APTX: variants seen among roughly 807,000 people sequenced by gnomAD.
APTX encodes the protein forkhead-associated domain histidine triad-like protein.
Under a neutral mutation model 42.3 loss-of-function variants are expected in APTX, and 33 were observed. The ratio of observed to expected loss-of-function variants is 0.78; its 90% confidence interval spans 0.59 to 1.04. APTX has a LOEUF of 1.04. APTX is among the 50% of genes least tolerant of loss of function. APTX has a pLI of 0.00. For synonymous variants in APTX, 130 were observed against 146.7 expected, an observed-to-expected ratio of 0.89 and a Z score of 0.82; for missense variants, 421 against 415.1, an observed-to-expected ratio of 1.01 and a Z score of -0.12.
intron 6 of APTX, among the ~76,000 whole-genome samples, chr9:32,974,790 G>C (rs1192034982): frequency 6.6e-6 from 1 of 152,150 alleles, no homozygotes; most frequent in Non-Finnish European, 1.5e-5. Context: ...TCCAGGCACT[G>C]AGACTTTAGC....
chr9:32,977,833 A>C (rs1563950200), intron 6 of APTX, among the ~76,000 whole-genome samples: 1 of 152,012 alleles, frequency 6.6e-6, no homozygotes, highest in Non-Finnish European at 1.5e-5. Flanking sequence ...TCTGTCTCAA[A>C]AAAGAAAAAG....
intron 1 of APTX, among the ~76,000 whole-genome samples, chr9:32,994,794 C>T (rs912530411): frequency 6.6e-6 from 1 of 152,190 alleles, no homozygotes; most frequent in Non-Finnish European, 1.5e-5. Flanking sequence ...TGCCTGACTT[C>T]AAAGCTTCAA....
chr9:33,015,763 A>G (rs1214855444), intron 1 of APTX: 7 of 152,078 alleles, frequency 4.6e-5, no homozygotes, highest in Admixed American at 4.6e-4. Context: ...AATCTTACAG[A>G]GTAGATCTTG....
At chr9:32,986,219 CTCTTT>C in intron 4 of APTX, 189 bp from the exon 5 acceptor site, 1 of 734,228 alleles carries the variant, frequency 1.4e-6, no homozygotes, top group Admixed American at 1.9e-5. Flanking sequence ...TTCCTATATT[CTCTTT>C]TTTTTTGAGA....
At chr9:32,974,384 G>T in intron 7 of APTX, 74 bp downstream of exon 7, 1 of 1,015,328 alleles carries the variant, frequency 9.8e-7, no homozygotes, top group Non-Finnish European at 1.6e-6. Flanking sequence ...CTGTTATTCA[G>T]GGAAACAACC....
chr9:32,974,390 C>G, intron 7 of APTX, 68 bp downstream of exon 7: 1 of 1,061,238 alleles, frequency 9.4e-7, no homozygotes, highest in Non-Finnish European at 1.5e-6. Flanking sequence ...TTCAGGGAAA[C>G]AACCAAATCA....
intron 6 of APTX, among the ~76,000 whole-genome samples, chr9:32,983,884 G>C (rs1831277422): frequency 6.6e-6 from 1 of 152,112 alleles, no homozygotes; most frequent in Non-Finnish European, 1.5e-5. Flanking sequence ...TTAAGGTACA[G>C]AGTTTCAATT....
chr9:32,990,311 T>C (rs1250382326), intron 1 of APTX, among the ~76,000 whole-genome samples: 1 of 152,148 alleles, frequency 6.6e-6, no homozygotes, highest in East Asian at 1.9e-4. Flanking sequence ...TAGCTGGGAT[T>C]ACAGGCACCC....
chr9:32,988,276 T>G (rs1049976978), intron 2 of APTX, 147 bp from the exon 3 acceptor site: 5 of 724,360 alleles, frequency 6.9e-6, no homozygotes, highest in Non-Finnish European at 1.2e-5. Context: ...CACCTGTTAT[T>G]GCAGGTGGCT....
chr9:33,000,123 G>C (rs890829895), intron 1 of APTX, among the ~76,000 whole-genome samples: 1 of 152,114 alleles, frequency 6.6e-6, no homozygotes, highest in Non-Finnish European at 1.5e-5. Flanking sequence ...TGTGACTTGA[G>C]GCAAGTTATT....
At chr9:32,986,057 A>AAC (rs1832010711) in intron 4 of APTX, 27 bp from the exon 5 acceptor site, 3 of 1,088,796 alleles carry the variant, frequency 2.8e-6, no homozygotes, top group African/African-American at 1.8e-5. Flanking sequence ...AAAAAAAACA[A>AAC]AAAAAAAAAA....
intron 1 of APTX, among the ~76,000 whole-genome samples, chr9:32,991,088 A>C (rs1205427105): frequency 6.6e-6 from 1 of 152,068 alleles, no homozygotes; most frequent in East Asian, 1.9e-4. Context: ...CACCACAGTC[A>C]GCTAATTTTA....
At chr9:33,019,182 CT>C (rs1838158681) in intron 1 of APTX, among the ~76,000 whole-genome samples, 1 of 152,076 alleles carries the variant, frequency 6.6e-6, no homozygotes, top group Non-Finnish European at 1.5e-5. Flanking sequence ...ATCCTGACAA[CT>C]TTTCCGCAAA....
In APTX at chr9:32,987,554, G is replaced by C. The variant is rs1832484534; in HGVS notation, c.473C>G (p.Pro158Arg). 2 of 1,613,672 alleles carry C rather than the reference G, an allele frequency of 1.2e-6. No homozygotes were observed. The highest frequency in any genetic ancestry group is 1.7e-6 in the Non-Finnish European group (2 of 1,180,044). Reference protein sequence around the residue: ...SVPLKKGKDAPIKKESLGHWS... With the variant: ...SVPLKKGKDARIKKESLGHWS... Reference sequence around the variant, plus strand: ...TCACACTACCCTCACCTTTTTGATAGGTGCATCTTTTCCCTTCTTTAGGGG... The same window carrying C: ...TCACACTACCCTCACCTTTTTGATACGTGCATCTTTTCCCTTCTTTAGGGG... The change falls in exon 4 of 8, where the codon CCT (proline) becomes CGT (arginine). Residue 158 changes from proline to arginine, a missense_variant. Physicochemically the swap from Pro to Arg is moderately radical, Grantham distance 103 (BLOSUM62 -2). Transcript: ENST00000379817.
rs563262838 is a variant in APTX at position 32,972,753 on chromosome 9, G to C, written c.*745C>G. ...ACTTCAATAGTTTCCACCTACTTAA[G>C]AGAGATGCCTCAAACAAATTAACTT... On this transcript the variant is annotated 3_prime_UTR_variant, in exon 8 of 8. Coordinates refer to ENST00000379817, the MANE Select transcript of APTX (RefSeq NM_001195248.2). 10 of 453,984 alleles carry C rather than the reference G, an allele frequency of 2.2e-5. No individual in the cohort carries two copies. Among genetic ancestry groups the C allele is most frequent in the Admixed American group, 1.2e-4 (5 of 42,542 alleles). The allele number at this position is 453,984 out of a possible 1,614,324, so 28.1% of individuals were successfully genotyped here. A position where few individuals can be genotyped will look rare whatever the true frequency, so the allele number is the denominator to read the frequency against.
intron 5 of APTX, among the ~76,000 whole-genome samples, chr9:32,985,703 T>C (rs1831836397): frequency 6.6e-6 from 1 of 151,888 alleles, no homozygotes; most frequent in Admixed American, 6.6e-5. Context: ...CATACTAAGG[T>C]TAATGCAACT....
rs747070165 is a variant in APTX at position 32,987,814 on chromosome 9, G to A, written c.213C>T (p.Val71=). ...VGVNPTSIDS[V]VIGKDQEVKL... ...TCACCTCTTGGTCCTTCCCAATTAC[G>A]ACTGAGTCAATGCTGGTGGGATTGA... is the stretch of plus-strand genomic sequence containing the variant. Residue 71 remains valine (V), a synonymous_variant, in exon 4 of 8, where the codon GTC becomes GTT. Transcript: ENST00000379817. 1.9e-5 allele frequency: 31 copies of A among 1,613,628 alleles called. No homozygotes were observed. The highest frequency in any genetic ancestry group is 2.4e-5 in the Non-Finnish European group (28 of 1,180,030).
intron 1 of APTX, among the ~76,000 whole-genome samples, chr9:32,993,955 G>GCGAT (rs147627855): frequency 0.04 from 6,089 of 152,204 alleles, 178 homozygotes; most frequent in East Asian, 0.12. Context: ...CTGATGTCAG[G>GCGAT]CGATCCGCCC....
rs373756039 is a variant in APTX, at chr9:32,986,040, AAAC to A, written c.484-13_484-11del. 2.4e-5 allele frequency: 16 copies of A among 655,886 alleles called. No homozygotes were observed. The highest frequency in any genetic ancestry group is 1.3e-4 in the African/African-American group (5 of 37,140). 40.6% of individuals were successfully genotyped at this position (655,886 alleles called of 1,614,324 possible). A position where few individuals can be genotyped will look rare whatever the true frequency, so the allele number is the denominator to read the frequency against. On this transcript the variant is annotated splice_polypyrimidine_tract_variant and intron_variant, in intron 4 of 7. Transcript: ENST00000379817. ...AGTGGCCCAGGGATTCCTAAAAAAA[AAAC>A]AAAAAAAAAAACAAAAAAAAAAAAA...
Sources: gnomAD v4.1 joint callset for allele counts (sites outside exome capture counted in the v4.1 genomes callset) on GRCh38, gnomAD v4.1.1 for gene constraint, MANE v1.5 for transcripts, NCBI Gene and HGNC (gene_info 2026-07-23, HGNC 2026-07-21) for gene names.